Variants in SPATA33 observed in about 807,000 individuals in gnomAD.
The protein encoded by SPATA33 is spermatogenesis-associated protein 33.
A neutral mutation model predicts 8.9 loss-of-function variants in SPATA33; 10 were observed. The ratio of observed to expected loss-of-function variants is 1.12; its 90% CI spans 0.69 to 1.90. The LOEUF is 1.90. SPATA33 is among the 40% of genes most tolerant of loss of function. SPATA33 has a pLI of 0.00. For synonymous variants in SPATA33, 96 were observed against 72.8 expected, an observed-to-expected ratio of 1.32 and a Z score of -1.63; for missense variants, 241 against 178.3, an observed-to-expected ratio of 1.35 and a Z score of -2.00.
At position 89,669,473 on chromosome 16, in the gene SPATA33, C is replaced by G. The variant is rs2060070674; in HGVS notation, c.399C>G (p.Ala133=). 6.2e-7 allele frequency: 1 copy of G among 1,612,980 alleles called. No homozygotes were observed. The highest frequency in any genetic ancestry group is 1.7e-5 in the Admixed American group (1 of 60,000). ...ACAGGAACCCCAGTACAGCAGACGCCTATAATTCACATCTCAAAGAATAAA... is the reference window on the plus strand; with the variant it reads ...ACAGGAACCCCAGTACAGCAGACGCGTATAATTCACATCTCAAAGAATAAA... ...RRHRNPSTAD[A]YNSHLKE is the part of the protein sequence containing the mutation. The change falls in exon 3 of 3, where the codon GCC becomes GCG. Residue 133 remains alanine (A), a synonymous_variant. Transcript: ENST00000579310.
At chr16:89,659,620 G>A (rs970420723) in intron 2 of SPATA33, 1 of 152,210 alleles carries the variant, frequency 6.6e-6, no homozygotes, top group Admixed American at 6.5e-5. Context: ...CCGGGAGGCA[G>A]AAGTAGTGGT....
rs1555513075 is a variant in SPATA33, at chr16:89,665,480, AT to A, written c.212-3792del. Among the ~76,000 whole-genome samples the A allele has an allele frequency of 6.5e-3, 893 of 137,322 alleles. 5 individuals are homozygous for A. The highest frequency in any genetic ancestry group is 0.021 in the African/African-American group (746 of 36,242). The allele number at this position is 137,322 out of a possible 152,430, so 90.1% of individuals were successfully genotyped here. ...CCACCACGCCTGGCTAATTTTTTGTATTTTTTTTTTTTTTAAGTAGAGATGG... is the reference window on the plus strand; with the variant it reads ...CCACCACGCCTGGCTAATTTTTTGTATTTTTTTTTTTTTAAGTAGAGATGG... On this transcript the variant is annotated intron_variant, in intron 2 of 2. Coordinates refer to ENST00000579310, the MANE Select transcript of SPATA33 (RefSeq NM_001271907.2).
intron 2 of SPATA33, among the ~76,000 whole-genome samples, chr16:89,666,851 T>TA (rs1266093914): frequency 2.0e-5 from 3 of 152,184 alleles, no homozygotes; most frequent in African/African-American, 4.8e-5. Context: ...AGAGACAGCT[T>TA]ACGCCGTTAT....
intron 1 of SPATA33, 34 bp from the exon 2 acceptor site, chr16:89,658,214 G>C (rs761070261): frequency 3.7e-6 from 6 of 1,612,768 alleles, no homozygotes; most frequent in Admixed American, 3.3e-5. Context: ...CATTCGGTAA[G>C]TCCCGGGTCT....
chr16:89,666,033 A>G (rs1056136494), intron 2 of SPATA33, among the ~76,000 whole-genome samples: 1 of 152,182 alleles, frequency 6.6e-6, no homozygotes, highest in African/African-American at 2.4e-5. Context: ...GTGAGCCAAA[A>G]TTGTGCCACT....
chr16:89,662,914 C>G (rs1297394694), intron 2 of SPATA33, among the ~76,000 whole-genome samples: 1 of 152,150 alleles, frequency 6.6e-6, no homozygotes, highest in Non-Finnish European at 1.5e-5. Context: ...CTGCCTCAGC[C>G]TCCCGAGTAG....
chr16:89,658,241 A>G lies in SPATA33; in HGVS notation c.38-7A>G, dbSNP rs1365164066. On this transcript the variant is annotated splice_polypyrimidine_tract_variant and splice_region_variant and intron_variant, in intron 1 of 2. Transcript: ENST00000579310. The stretch of plus-strand genomic sequence containing the variant: ...CCCGGGTCTAACGGATGATCCATAT[A>G]TTTCAGGTGAGGAGCAAAAGAAGGG... 1 of 1,614,100 alleles carries G rather than the reference A, an allele frequency of 6.2e-7. No homozygotes were observed. The highest frequency in any genetic ancestry group is 8.5e-7 in the Non-Finnish European group (1 of 1,179,970).
chr16:89,663,352 A>G (rs2059987490), intron 2 of SPATA33, among the ~76,000 whole-genome samples: 1 of 151,128 alleles, frequency 6.6e-6, no homozygotes, highest in South Asian at 2.1e-4. Context: ...AGCTGGGACT[A>G]CAGGCATGCG....
At chr16:89,668,338 A>C (rs189638852) in intron 2 of SPATA33, among the ~76,000 whole-genome samples, 20 of 152,336 alleles carry the variant, frequency 1.3e-4, no homozygotes, top group African/African-American at 4.8e-5. Context: ...ATTAATAATA[A>C]ACCAGCACTG....
chr16:89,668,405 C>T (rs895541138), intron 2 of SPATA33, among the ~76,000 whole-genome samples: 84 of 152,248 alleles, frequency 5.5e-4, no homozygotes, highest in Non-Finnish European at 1.1e-3. Flanking sequence ...CCAAGTGTCC[C>T]CACAAAGCTG....
chr16:89,658,106 C>A (rs754050314), intron 1 of SPATA33, 142 bp from the exon 2 acceptor site: 109 of 1,499,332 alleles, frequency 7.3e-5, no homozygotes, highest in Middle Eastern at 2.5e-4. Flanking sequence ...GCGCGTTTCC[C>A]GCCTGAGGCG....
Position 89,669,307 on chromosome 16 carries a change from A to T in SPATA33, c.233A>T (p.Lys78Met), listed in dbSNP as rs369629510. ...CTAGAGAAACCTGATGTAAAGCAAAAGTCCAGCAGGAAGAAAGTGGTCGTT... is the reference window on the plus strand; with the variant it reads ...CTAGAGAAACCTGATGTAAAGCAAATGTCCAGCAGGAAGAAAGTGGTCGTT... ...SLEEKPDVKQ[K>M]SSRKKVVVPQ... is the part of the protein sequence containing the mutation. Residue 78 changes from lysine to methionine, a missense_variant, in exon 3 of 3, where the codon AAG becomes ATG. By Grantham distance (95) the Lys-to-Met change is moderately conservative. Transcript: ENST00000579310. 1.9e-6 allele frequency: 3 copies of T among 1,614,176 alleles called. No individual in the cohort carries two copies. The highest frequency in any genetic ancestry group is 2.5e-6 in the Non-Finnish European group (3 of 1,180,040).
chr16:89,666,896 A>G (rs2060033544), intron 2 of SPATA33, among the ~76,000 whole-genome samples: 1 of 152,214 alleles, frequency 6.6e-6, no homozygotes, highest in Non-Finnish European at 1.5e-5. Flanking sequence ...ACTTTCACTA[A>G]TTTGCTACTG....
At chr16:89,667,932 A>T (rs1446431151) in intron 2 of SPATA33, 1 of 152,334 alleles carries the variant, frequency 6.6e-6, no homozygotes, top group Non-Finnish European at 1.5e-5. Flanking sequence ...GTTTTGTCTG[A>T]AATATGGGTT....
intron 2 of SPATA33, among the ~76,000 whole-genome samples, chr16:89,668,984 G>C (rs529431662): frequency 1.3e-5 from 2 of 152,308 alleles, no homozygotes; most frequent in African/African-American, 4.8e-5. Context: ...CTGCCTGGAC[G>C]TGTGCCCTCC....
In SPATA33 at chr16:89,669,515, G is replaced by C. The variant is rs9937322; in HGVS notation, c.*18G>C. ...AAGAATAAACAAGCACCTTTGCATG[G>C]CACTCGCTACTCCCTGCGATAGGCG... On this transcript the variant is annotated 3_prime_UTR_variant, in exon 3 of 3. Coordinates refer to ENST00000579310, the MANE Select transcript of SPATA33 (RefSeq NM_001271907.2). 0.36 allele frequency: 574,322 copies of C among 1,609,036 alleles called. 107,604 individuals are homozygous for C. Among genetic ancestry groups the C allele is most frequent in the South Asian group, 0.52 (47,531 of 90,904 alleles).
Position 89,669,661 on chromosome 16 carries a change from C to A in SPATA33, c.*164C>A. Reference sequence around the variant, plus strand: ...CTGCAGCCCCCTTCTCCAGTGCTTTCGGGGAGGGTGCACCAGGCCCGCCCC... The same window carrying A: ...CTGCAGCCCCCTTCTCCAGTGCTTTAGGGGAGGGTGCACCAGGCCCGCCCC... On this transcript the variant is annotated 3_prime_UTR_variant, in exon 3 of 3. Coordinates refer to ENST00000579310, the MANE Select transcript of SPATA33 (RefSeq NM_001271907.2). 1.5e-6 allele frequency: 1 copy of A among 677,076 alleles called. No homozygotes were observed. Among genetic ancestry groups the A allele is most frequent in the Non-Finnish European group, 2.4e-6 (1 of 410,486 alleles). The allele number at this position is 677,076 out of a possible 1,614,324, so 41.9% of individuals were successfully genotyped here. A position where few individuals can be genotyped will look rare whatever the true frequency, so the allele number is the denominator to read the frequency against.
rs375483991 is a variant in SPATA33, at chr16:89,666,951, T to C, written c.212-2335T>C. On this transcript the variant is annotated intron_variant, in intron 2 of 2. Coordinates refer to ENST00000579310, the MANE Select transcript of SPATA33 (RefSeq NM_001271907.2). ...AGGTGTACAGGATGGAACATGAAGG[T>C]GGACTAGGAGCGTGACCACTGAAGC... 2.8e-4 allele frequency among the ~76,000 whole-genome samples: 43 copies of C among 152,260 alleles called. No homozygotes were observed. In the East Asian group the frequency reaches 8.1e-3, roughly 29 times the overall value.
At chr16:89,664,641 C>T (rs898220876) in intron 2 of SPATA33, among the ~76,000 whole-genome samples, 1 of 150,118 alleles carries the variant, frequency 6.7e-6, no homozygotes, top group East Asian at 2.0e-4. Flanking sequence ...GGAAGCCAGA[C>T]AGTAAAAGTG....
Sources: allele counts gnomAD v4.1 joint callset (sites outside exome capture counted in the v4.1 genomes callset), GRCh38; gene constraint gnomAD v4.1.1; transcripts MANE v1.5; gene names NCBI Gene and HGNC (gene_info 2026-07-23, HGNC 2026-07-21).